ZNF385D: variants seen among roughly 807,000 people sequenced by gnomAD.
ZNF385D encodes zinc finger protein 659.
Under a neutral mutation model 35.8 loss-of-function variants are expected in ZNF385D, and 15 were observed. The observed-to-expected ratio is 0.42, with a 90% CI of 0.28 to 0.64. The LOEUF is 0.64. Ranked by LOEUF, ZNF385D falls within the 30% of genes least tolerant of loss-of-function variation. ZNF385D has a pLI of 0.23. For synonymous variants in ZNF385D, 212 were observed against 186.8 expected, an observed-to-expected ratio of 1.13 and a Z score of -1.10; for missense variants, 474 against 494.6, an observed-to-expected ratio of 0.96 and a Z score of 0.39.
chr3:21,805,785 G>A (rs2072614822), intron 3 of ZNF385D, among the ~76,000 whole-genome samples: 1 of 152,176 alleles, frequency 6.6e-6, no homozygotes, highest in Admixed American at 6.5e-5. Flanking sequence ...CAGTGAAACG[G>A]TCATAATGCA....
chr3:22,259,908 C>T (rs1364439911), intron 2 of ZNF385D, among the ~76,000 whole-genome samples: 4 of 151,676 alleles, frequency 2.6e-5, no homozygotes. Context: ...CTGAAAGAGA[C>T]CATCAACCTC....
intron 3 of ZNF385D, among the ~76,000 whole-genome samples, chr3:22,008,688 A>C (rs989572937): frequency 6.6e-6 from 1 of 152,170 alleles, no homozygotes; most frequent in African/African-American, 2.4e-5. Context: ...AATGCAATCA[A>C]GTTGGGAAGC....
chr3:21,552,376 A>G (rs1348049198), intron 3 of ZNF385D, among the ~76,000 whole-genome samples: 1 of 152,194 alleles, frequency 6.6e-6, no homozygotes, highest in Non-Finnish European at 1.5e-5. Flanking sequence ...TAAGTAAACA[A>G]AGTTAACATT....
intron 3 of ZNF385D, among the ~76,000 whole-genome samples, chr3:21,942,213 C>A (rs1458902347): frequency 6.6e-6 from 1 of 151,958 alleles, no homozygotes; most frequent in East Asian, 1.9e-4. Flanking sequence ...GAAATCATAC[C>A]CACTTGTTAT....
chr3:21,926,891 A>T (rs1449904708), intron 3 of ZNF385D, among the ~76,000 whole-genome samples: 2 of 152,222 alleles, frequency 1.3e-5, no homozygotes, highest in East Asian at 3.9e-4. Context: ...AAATTTTTGC[A>T]GTCTATCCCT....
intron 4 of ZNF385D, among the ~76,000 whole-genome samples, chr3:21,447,612 G>C (rs966504282): frequency 1.3e-5 from 2 of 152,146 alleles, no homozygotes; most frequent in African/African-American, 2.4e-5. Context: ...TAAAAGTAAG[G>C]GTTTGTCATG....
At chr3:21,550,714 C>G (rs2062537668) in intron 3 of ZNF385D, among the ~76,000 whole-genome samples, 1 of 152,176 alleles carries the variant, frequency 6.6e-6, no homozygotes, top group South Asian at 2.1e-4. Flanking sequence ...AATTCCTGAC[C>G]TCGTGATCCA....
At chr3:22,141,432 A>C (rs188174965) in intron 3 of ZNF385D, among the ~76,000 whole-genome samples, 8 of 152,330 alleles carry the variant, frequency 5.3e-5, no homozygotes, top group African/African-American at 1.7e-4. Flanking sequence ...ACACTGTTAT[A>C]AATCTTGATT....
At chr3:21,576,285 T>C (rs368609262) in intron 2 of ZNF385D, among the ~76,000 whole-genome samples, 9 of 152,172 alleles carry the variant, frequency 5.9e-5, no homozygotes, top group African/African-American at 1.9e-4. Flanking sequence ...TGAACTTAAA[T>C]AAGCAAAGGC....
intron 3 of ZNF385D, among the ~76,000 whole-genome samples, chr3:22,164,016 G>A (rs751892339): frequency 6.6e-6 from 1 of 152,066 alleles, no homozygotes; most frequent in African/African-American, 2.4e-5. Context: ...CTTGTAACTG[G>A]GTTCATTTCT....
chr3:21,475,014 T>C (rs1025013411), intron 4 of ZNF385D, among the ~76,000 whole-genome samples: 1 of 152,096 alleles, frequency 6.6e-6, no homozygotes, highest in African/African-American at 2.4e-5. Flanking sequence ...TGACATGTTA[T>C]ATATTTTTTC....
intron 3 of ZNF385D, among the ~76,000 whole-genome samples, chr3:21,988,816 GC>G (rs1267354714): frequency 6.6e-6 from 1 of 152,148 alleles, no homozygotes; most frequent in Non-Finnish European, 1.5e-5. Flanking sequence ...CTAGCAATCA[GC>G]GAGACTCCGT....
chr3:21,723,781 A>T (rs4447785), intron 1 of ZNF385D, among the ~76,000 whole-genome samples: 25,105 of 152,108 alleles, frequency 0.17, 2,503 homozygotes, highest in Admixed American at 0.3. Context: ...CAACATTCAA[A>T]TTCAGGGAAT....
At chr3:21,658,609 C>G (rs959446684) in intron 2 of ZNF385D, among the ~76,000 whole-genome samples, 4 of 151,256 alleles carry the variant, frequency 2.6e-5, no homozygotes, top group African/African-American at 7.3e-5. Context: ...CTATTCCACT[C>G]TATTCATTCA....
At chr3:21,948,166 CTGGA>C (rs1456350687) in intron 3 of ZNF385D, among the ~76,000 whole-genome samples, 1 of 152,066 alleles carries the variant, frequency 6.6e-6, no homozygotes, top group Non-Finnish European at 1.5e-5. Context: ...ACCATCAAAA[CTGGA>C]TGGATTCTTC....
intron 1 of ZNF385D, among the ~76,000 whole-genome samples, chr3:21,721,118 G>T (rs13077624): frequency 6.6e-6 from 1 of 151,268 alleles, no homozygotes; most frequent in African/African-American, 2.4e-5. Context: ...ATACTCTTGC[G>T]GTTTATATCC....
intron 1 of ZNF385D, among the ~76,000 whole-genome samples, chr3:21,689,165 A>G (rs1212071963): frequency 1.3e-5 from 2 of 151,792 alleles, no homozygotes; most frequent in Non-Finnish European, 1.5e-5. Context: ...TATTCCATTT[A>G]AAGACTGAAT....
intron 1 of ZNF385D, among the ~76,000 whole-genome samples, chr3:21,704,588 A>C (rs115529864): frequency 0.012 from 1,740 of 150,030 alleles, 17 homozygotes; most frequent in Non-Finnish European, 0.014. Flanking sequence ...GGCTCACTGC[A>C]GCATCTGCCT....
intron 2 of ZNF385D, among the ~76,000 whole-genome samples, chr3:22,178,838 G>C (rs1238452128): frequency 6.6e-6 from 1 of 152,182 alleles, no homozygotes; most frequent in Non-Finnish European, 1.5e-5. Flanking sequence ...TTATTAAATA[G>C]GGAAACCTTT....
Sources: gnomAD v4.1 joint callset for allele counts (sites outside exome capture counted in the v4.1 genomes callset) on GRCh38, gnomAD v4.1.1 for gene constraint, MANE v1.5 for transcripts, NCBI Gene and HGNC (gene_info 2026-07-23, HGNC 2026-07-21) for gene names.